Variants in SH3RF3 observed in about 807,000 individuals in gnomAD.
The protein encoded by SH3RF3 is SH3 domain containing ring finger 3.
In SH3RF3, 29 loss-of-function variants were observed where a neutral mutation model predicts 66.3. The observed-to-expected ratio is 0.44, with a 90% CI of 0.33 to 0.60. The LOEUF is 0.60. Among genes scored for constraint, SH3RF3 ranks in the 20% least tolerant of loss-of-function variants. The pLI is 0.04. For synonymous variants in SH3RF3, 583 were observed against 532.0 expected (o/e 1.10, Z -1.32); for missense variants, 1,194 against 1,190.9 (o/e 1.00, Z -0.04).
At chr2:109,195,173 GTAA>G (rs1452932599) in intron 1 of SH3RF3, among the ~76,000 whole-genome samples, 2 of 151,044 alleles carry the variant, frequency 1.3e-5, no homozygotes, top group Non-Finnish European at 2.9e-5. Context: ...TCTCTCTGAA[GTAA>G]TAAGCTCATT....
At chr2:109,174,478 A>G (rs554168418) in intron 1 of SH3RF3, among the ~76,000 whole-genome samples, 199 of 152,232 alleles carry the variant, frequency 1.3e-3, no homozygotes, top group South Asian at 7.7e-3. Flanking sequence ...ACCAGGCCAC[A>G]CTCACTTGGC....
chr2:109,222,300 A>T (rs1248340182), intron 1 of SH3RF3, among the ~76,000 whole-genome samples: 4 of 152,224 alleles, frequency 2.6e-5, no homozygotes, highest in Non-Finnish European at 4.4e-5. Flanking sequence ...TGATTAGTTA[A>T]CAACAATTTA....
chr2:109,408,182 C>G (rs946935091), intron 4 of SH3RF3, among the ~76,000 whole-genome samples: 1 of 152,158 alleles, frequency 6.6e-6, no homozygotes, highest in Admixed American at 6.5e-5. Flanking sequence ...GAATGCCCAC[C>G]GGTAGGCCCC....
intron 1 of SH3RF3, among the ~76,000 whole-genome samples, chr2:109,289,414 T>C (rs1385100676): frequency 1.3e-5 from 2 of 152,190 alleles, no homozygotes; most frequent in Non-Finnish European, 2.9e-5. Flanking sequence ...CAAACTGTTG[T>C]TGGAACATGA....
intron 6 of SH3RF3, among the ~76,000 whole-genome samples, chr2:109,435,234 A>G (rs1002786933): frequency 6.6e-6 from 1 of 152,170 alleles, no homozygotes; most frequent in Non-Finnish European, 1.5e-5. Context: ...AGTCCAATCC[A>G]TAGCTCAGCA....
At chr2:109,384,838 A>G (rs4676083) in intron 3 of SH3RF3, among the ~76,000 whole-genome samples, 76,467 of 151,792 alleles carry the variant, frequency 0.5, 19,273 homozygotes, top group Middle Eastern at 0.55. Context: ...GGTAACTCCA[A>G]CCCGATGGTT....
At chr2:109,442,171 C>T (rs1259851696) in intron 7 of SH3RF3, among the ~76,000 whole-genome samples, 3 of 152,004 alleles carry the variant, frequency 2.0e-5, no homozygotes, top group South Asian at 2.1e-4. Context: ...ATTAGCCAGG[C>T]GTGTTGGCGG....
chr2:109,339,972 A>G (rs185025414), intron 1 of SH3RF3, among the ~76,000 whole-genome samples: 1 of 152,308 alleles, frequency 6.6e-6, no homozygotes, highest in African/African-American at 2.4e-5. Flanking sequence ...TTGCCCAGTT[A>G]CACGCTTTGT....
intron 8 of SH3RF3, among the ~76,000 whole-genome samples, chr2:109,459,897 G>C (rs1456332931): frequency 1.3e-5 from 2 of 152,216 alleles, no homozygotes; most frequent in Non-Finnish European, 2.9e-5. Context: ...CTGGGCCCAT[G>C]AGTCCTGGCT....
At chr2:109,478,846 TCTCAAAA>T (rs1206827681) in intron 8 of SH3RF3, among the ~76,000 whole-genome samples, 2 of 152,136 alleles carry the variant, frequency 1.3e-5, no homozygotes, top group African/African-American at 4.8e-5. Context: ...TAACAAATCA[TCTCAAAA>T]CTCAGTGGCT....
chr2:109,392,537 T>G (rs1472219718), intron 3 of SH3RF3, among the ~76,000 whole-genome samples: 1 of 151,172 alleles, frequency 6.6e-6, no homozygotes, highest in Non-Finnish European at 1.5e-5. Context: ...GGAGACGGAG[T>G]CTCGCACTGT....
At chr2:109,235,480 C>A (rs72822673) in intron 1 of SH3RF3, among the ~76,000 whole-genome samples, 25 of 152,302 alleles carry the variant, frequency 1.6e-4, no homozygotes, top group Non-Finnish European at 3.5e-4. Flanking sequence ...AACCCTCATG[C>A]CAGGACAACA....
chr2:109,190,611 C>G (rs1678327033), intron 1 of SH3RF3, among the ~76,000 whole-genome samples: 1 of 152,174 alleles, frequency 6.6e-6, no homozygotes, highest in African/African-American at 2.4e-5. Flanking sequence ...CCCATTGCAA[C>G]TAATTATATT....
intron 1 of SH3RF3, among the ~76,000 whole-genome samples, chr2:109,280,621 C>T (rs1680859094): frequency 6.6e-6 from 1 of 152,248 alleles, no homozygotes; most frequent in Non-Finnish European, 1.5e-5. Context: ...AAACAATCTA[C>T]ACTAATAGAT....
chr2:109,385,246 T>G (rs1368340565), intron 3 of SH3RF3, among the ~76,000 whole-genome samples: 1 of 152,156 alleles, frequency 6.6e-6, no homozygotes, highest in Non-Finnish European at 1.5e-5. Flanking sequence ...CTTAGGAGGA[T>G]TAAATTGGAG....
At chr2:109,185,580 C>A (rs1003449049) in intron 1 of SH3RF3, among the ~76,000 whole-genome samples, 3 of 152,106 alleles carry the variant, frequency 2.0e-5, no homozygotes, top group African/African-American at 4.8e-5. Context: ...TTTGGCCAGG[C>A]GTTGGTTTTC....
chr2:109,199,995 G>A (rs1293147261), intron 1 of SH3RF3, among the ~76,000 whole-genome samples: 1 of 152,076 alleles, frequency 6.6e-6, no homozygotes, highest in East Asian at 1.9e-4. Flanking sequence ...CACAGCTAAG[G>A]TGGGGTGGGT....
intron 1 of SH3RF3, chr2:109,141,567 G>C (rs1435447430): frequency 6.5e-6 from 1 of 154,920 alleles, no homozygotes; most frequent in African/African-American, 2.4e-5. Context: ...ACAGGTGTAG[G>C]CTGAAGCTCC....
intron 2 of SH3RF3, among the ~76,000 whole-genome samples, chr2:109,349,204 C>A (rs1191144860): frequency 6.6e-6 from 1 of 152,202 alleles, no homozygotes; most frequent in Non-Finnish European, 1.5e-5. Flanking sequence ...GAGAACCATG[C>A]ACAGTGTTTT....
Sources: allele counts gnomAD v4.1 joint callset (sites outside exome capture counted in the v4.1 genomes callset), GRCh38; gene constraint gnomAD v4.1.1; transcripts MANE v1.5; gene names NCBI Gene and HGNC (gene_info 2026-07-23, HGNC 2026-07-21).